PLCB4: variants seen among roughly 807,000 people sequenced by gnomAD.
PLCB4 encodes the protein 1-phosphatidylinositol 4,5-bisphosphate phosphodiesterase beta-4.
PLCB4 carries 77 observed loss-of-function variants against 178.8 expected under a neutral mutation model. That is an observed-to-expected ratio of 0.43 (90% CI 0.36 to 0.52). The LOEUF (loss-of-function observed/expected upper bound fraction) is 0.52. PLCB4 is among the 20% of genes least tolerant of loss of function. The probability of loss-of-function intolerance (pLI) is 0.00; values close to 1 mark genes in which losing one functional copy is unlikely to be tolerated. For synonymous variants in PLCB4, 496 were observed against 490.8 expected (o/e 1.01, Z -0.14); for missense variants, 1,024 against 1,453.4 (o/e 0.70, Z 4.80).
chr20:9,213,018 G>C (rs2093688825), intron 2 of PLCB4, among the ~76,000 whole-genome samples: 1 of 151,498 alleles, frequency 6.6e-6, no homozygotes, highest in Non-Finnish European at 1.5e-5. Flanking sequence ...TAGTCATAGA[G>C]AGCCACTAGT....
intron 36 of PLCB4, among the ~76,000 whole-genome samples, chr20:9,469,731 G>C (rs143359692): frequency 6.6e-6 from 1 of 152,186 alleles, no homozygotes; most frequent in Non-Finnish European, 1.5e-5. Context: ...GCCTGAGACT[G>C]GGGGGAAGGT....
chr20:9,401,431 A>T, intron 19 of PLCB4, 59 bp from the exon 20 acceptor site: 1 of 1,120,616 alleles, frequency 8.9e-7, no homozygotes, highest in Non-Finnish European at 1.4e-6. Context: ...ATTGTGAACA[A>T]GGTCTGACTA....
At chr20:9,305,148 C>T (rs1369643806) in intron 3 of PLCB4, among the ~76,000 whole-genome samples, 4 of 151,140 alleles carry the variant, frequency 2.6e-5, no homozygotes, top group Admixed American at 6.6e-5. Context: ...TGAATTTAAC[C>T]AATTCGTATT....
chr20:9,364,653 C>G (rs1039628661), intron 8 of PLCB4, among the ~76,000 whole-genome samples: 1 of 152,218 alleles, frequency 6.6e-6, no homozygotes. Flanking sequence ...CTCTCTTCAT[C>G]CCTAAAACAT....
At chr20:9,445,724 G>T (rs893705533) in intron 32 of PLCB4, among the ~76,000 whole-genome samples, 2 of 152,138 alleles carry the variant, frequency 1.3e-5, no homozygotes, top group Non-Finnish European at 2.9e-5. Flanking sequence ...TGGGGTTATT[G>T]GAGACAGAAC....
chr20:9,126,897 C>G (rs2092129974), intron 2 of PLCB4, among the ~76,000 whole-genome samples: 1 of 151,136 alleles, frequency 6.6e-6, no homozygotes, highest in Non-Finnish European at 1.5e-5. Flanking sequence ...TCTATTCCAG[C>G]AAAATAAAAT....
At chr20:9,166,550 C>T (rs1379561772) in intron 2 of PLCB4, 3 of 152,250 alleles carry the variant, frequency 2.0e-5, no homozygotes, top group East Asian at 1.9e-4. Flanking sequence ...TAATTCATCC[C>T]GAGGCTCCTG....
Position 9,389,881 on chromosome 20 carries a change from T to C in PLCB4, c.1161T>C (p.Asp387=). 6.5e-7 allele frequency: 1 copy of C among 1,550,056 alleles called. No homozygotes were observed. Among genetic ancestry groups the C allele is most frequent in the Non-Finnish European group, 8.9e-7 (1 of 1,128,688 alleles). Residue 387 remains aspartate (D), a splice_region_variant and synonymous_variant, in exon 16 of 40, where the codon GAT becomes GAC. Coordinates refer to ENST00000378473, the MANE Select transcript of PLCB4 (RefSeq NM_001377142.1). ...KAMCTDILFK[D]VIQAIKETAF... ...AACGTTTTTTTTTGTTTTTAAAGGATGTAATTCAAGCCATCAAGGAAACTG... is the reference window on the plus strand; with the variant it reads ...AACGTTTTTTTTTGTTTTTAAAGGACGTAATTCAAGCCATCAAGGAAACTG...
At chr20:9,189,977 C>T (rs1004955074) in intron 2 of PLCB4, among the ~76,000 whole-genome samples, 4 of 152,310 alleles carry the variant, frequency 2.6e-5, no homozygotes, top group South Asian at 2.1e-4. Context: ...CCCCCACCCC[C>T]GAGGTGTGAC....
chr20:9,415,464 A>T (rs907346865), intron 25 of PLCB4, among the ~76,000 whole-genome samples: 1 of 152,208 alleles, frequency 6.6e-6, no homozygotes, highest in South Asian at 2.1e-4. Context: ...CTTAGGTATG[A>T]TGAAATAGGA....
intron 3 of PLCB4, among the ~76,000 whole-genome samples, chr20:9,278,632 C>T (rs1434634140): frequency 2.0e-5 from 3 of 151,976 alleles, no homozygotes; most frequent in African/African-American, 7.2e-5. Flanking sequence ...TGATATTACC[C>T]TAAAAAGGAC....
intron 1 of PLCB4, among the ~76,000 whole-genome samples, chr20:9,078,611 C>T (rs571404351): frequency 1.4e-4 from 22 of 152,192 alleles, no homozygotes; most frequent in Admixed American, 5.9e-4. Flanking sequence ...ATCTGCCCTC[C>T]TCAGCCTCCC....
At chr20:9,408,181 T>A in intron 22 of PLCB4, 123 bp downstream of exon 22, 1 of 806,376 alleles carries the variant, frequency 1.2e-6, no homozygotes. Context: ...CACCTCACCT[T>A]ATTTTTGTTT....
intron 28 of PLCB4, among the ~76,000 whole-genome samples, chr20:9,428,456 T>C (rs1162422824): frequency 6.6e-6 from 1 of 152,208 alleles, no homozygotes; most frequent in African/African-American, 2.4e-5. Context: ...CTGGGATGTA[T>C]GGTGAATGCC....
rs2122761957 is a variant in PLCB4 at position 9,479,230 on chromosome 20, A to G, written c.*221A>G. 3.6e-6 allele frequency: 2 copies of G among 548,912 alleles called. No individual in the cohort carries two copies. The highest frequency in any genetic ancestry group is 3.8e-5 in the African/African-American group (2 of 52,826). 34.0% of individuals were successfully genotyped at this position (548,912 alleles called of 1,614,324 possible). ...CAAATCCACAAAAATTTACTATTCC[A>G]GTAAGGCAGAGTCCAACCATTGATA... is the stretch of plus-strand genomic sequence containing the variant. On this transcript the variant is annotated 3_prime_UTR_variant, in exon 40 of 40. Transcript: ENST00000378473.
At chr20:9,150,483 G>C (rs887289320) in intron 2 of PLCB4, among the ~76,000 whole-genome samples, 11 of 152,146 alleles carry the variant, frequency 7.2e-5, no homozygotes, top group Non-Finnish European at 2.9e-5. Flanking sequence ...CTTACCCATA[G>C]GTTCTTGTAT....
intron 4 of PLCB4, among the ~76,000 whole-genome samples, chr20:9,312,392 A>G (rs543318882): frequency 6.9e-6 from 1 of 145,314 alleles, no homozygotes; most frequent in African/African-American, 2.6e-5. Flanking sequence ...ACACACACAC[A>G]CACACGCACG....
At chr20:9,127,322 A>G (rs1884867) in intron 2 of PLCB4, among the ~76,000 whole-genome samples, 133,842 of 152,114 alleles carry the variant, frequency 0.88, 59,227 homozygotes, top group East Asian at 1. Flanking sequence ...CATAGGAGGC[A>G]TGAGGTACTT....
chr20:9,228,531 TG>T (rs2093894193), intron 3 of PLCB4, among the ~76,000 whole-genome samples: 1 of 152,110 alleles, frequency 6.6e-6, no homozygotes, highest in South Asian at 2.1e-4. Flanking sequence ...AGATTGTTCC[TG>T]GGGGTTAGGG....
Sources: gnomAD v4.1 joint callset for allele counts (sites outside exome capture counted in the v4.1 genomes callset) on GRCh38, gnomAD v4.1.1 for gene constraint, MANE v1.5 for transcripts, NCBI Gene and HGNC (gene_info 2026-07-23, HGNC 2026-07-21) for gene names.